AJAP1: variants seen among roughly 807,000 people sequenced by gnomAD.
The protein encoded by AJAP1 is adherens junction-associated protein 1.
AJAP1 carries 5 observed loss-of-function variants against 35.0 expected under a neutral mutation model. That is an observed-to-expected ratio of 0.14 (90% CI 0.07 to 0.30). AJAP1 has a LOEUF of 0.30. AJAP1 is among the 10% of genes least tolerant of loss of function. The pLI is 1.00. For missense variants in AJAP1, 586 were observed against 571.0 expected, an observed-to-expected ratio of 1.03 and a Z score of -0.27; for synonymous variants, 284 against 249.3, an observed-to-expected ratio of 1.14 and a Z score of -1.31.
intron 1 of AJAP1, among the ~76,000 whole-genome samples, chr1:4,679,852 T>G (rs201666340): frequency 9.6e-4 from 135 of 141,088 alleles, no homozygotes; most frequent in Middle Eastern, 3.6e-3. Flanking sequence ...TGTGTGTGTG[T>G]AGAGAGAGAT....
intron 1 of AJAP1, among the ~76,000 whole-genome samples, chr1:4,671,822 A>G (rs1639254939): frequency 6.6e-6 from 1 of 152,228 alleles, no homozygotes; most frequent in African/African-American, 2.4e-5. Flanking sequence ...TAATGGAAAC[A>G]AGGTGCTTCA....
chr1:4,778,077 C>T (rs1254500193), intron 5 of AJAP1, among the ~76,000 whole-genome samples: 1 of 152,176 alleles, frequency 6.6e-6, no homozygotes, highest in Admixed American at 6.5e-5. Context: ...TTTGCAAAAG[C>T]AGACAGTGGT....
chr1:4,776,956 T>G (rs888910066), intron 5 of AJAP1, among the ~76,000 whole-genome samples: 15 of 152,208 alleles, frequency 9.9e-5, no homozygotes, highest in Non-Finnish European at 1.9e-4. Context: ...CACGGCCCAC[T>G]CCTGGTGGCC....
At chr1:4,674,781 G>A (rs1414212018) in intron 1 of AJAP1, among the ~76,000 whole-genome samples, 1 of 152,260 alleles carries the variant, frequency 6.6e-6, no homozygotes, top group Non-Finnish European at 1.5e-5. Flanking sequence ...ATTCTGCTCT[G>A]CCTGCTTGTC....
At chr1:4,755,239 T>A (rs974500915) in intron 2 of AJAP1, among the ~76,000 whole-genome samples, 1 of 152,238 alleles carries the variant, frequency 6.6e-6, no homozygotes, top group Admixed American at 6.5e-5. Flanking sequence ...AGACAGCAGC[T>A]GTTACTGAAT....
intron 2 of AJAP1, among the ~76,000 whole-genome samples, chr1:4,751,259 C>A (rs1277666112): frequency 1.3e-5 from 2 of 152,166 alleles, no homozygotes; most frequent in Non-Finnish European, 2.9e-5. Flanking sequence ...TCGCTGGACA[C>A]CTTCGTCCAG....
At chr1:4,671,279 G>T (rs933637596) in intron 1 of AJAP1, among the ~76,000 whole-genome samples, 12 of 151,754 alleles carry the variant, frequency 7.9e-5, no homozygotes, top group Admixed American at 5.9e-4. Context: ...TGAGGCAGGA[G>T]AATTGTTTGG....
chr1:4,733,478 C>G (rs1200152954), intron 2 of AJAP1, among the ~76,000 whole-genome samples: 2 of 148,256 alleles, frequency 1.3e-5, no homozygotes, highest in Non-Finnish European at 3.0e-5. Flanking sequence ...GTGCCCAGGG[C>G]TGTGCTGGGA....
chr1:4,774,188 GC>G (rs1230534365), intron 4 of AJAP1, among the ~76,000 whole-genome samples: 2 of 152,228 alleles, frequency 1.3e-5, no homozygotes, highest in Non-Finnish European at 2.9e-5. Context: ...GTGCTCGTGT[GC>G]CCAGATCCCT....
At chr1:4,750,178 A>G (rs1641290579) in intron 2 of AJAP1, among the ~76,000 whole-genome samples, 1 of 151,136 alleles carries the variant, frequency 6.6e-6, no homozygotes. Context: ...GTTTGTGTGT[A>G]TGTGTGCATG....
chr1:4,759,001 C>T (rs1434864576), intron 2 of AJAP1, among the ~76,000 whole-genome samples: 2 of 152,208 alleles, frequency 1.3e-5, no homozygotes, highest in African/African-American at 4.8e-5. Flanking sequence ...GAGCTCAGGT[C>T]GGGATGCAGG....
intron 1 of AJAP1, among the ~76,000 whole-genome samples, chr1:4,671,054 C>A (rs1368336886): frequency 6.6e-6 from 1 of 152,160 alleles, no homozygotes; most frequent in Non-Finnish European, 1.5e-5. Flanking sequence ...TTGTAATAGG[C>A]GCATGTGTTG....
At chr1:4,678,743 CTG>C (rs2100525369) in intron 1 of AJAP1, among the ~76,000 whole-genome samples, 2 of 152,320 alleles carry the variant, frequency 1.3e-5, no homozygotes, top group Admixed American at 1.3e-4. Flanking sequence ...CCATCTAAGA[CTG>C]AACACCAGGA....
chr1:4,733,801 C>T (rs1363730618), intron 2 of AJAP1, among the ~76,000 whole-genome samples: 1 of 152,060 alleles, frequency 6.6e-6, no homozygotes, highest in Non-Finnish European at 1.5e-5. Context: ...TCCCAGAGAC[C>T]AGAGAAAATT....
chr1:4,694,283 TC>T (rs1639808892), intron 1 of AJAP1, among the ~76,000 whole-genome samples: 2 of 152,132 alleles, frequency 1.3e-5, no homozygotes, highest in Non-Finnish European at 2.9e-5. Context: ...ACAGTGGTGG[TC>T]TTGTAATTGA....
intron 1 of AJAP1, among the ~76,000 whole-genome samples, chr1:4,684,465 G>A (rs868615847): frequency 2.7e-4 from 41 of 152,278 alleles, no homozygotes; most frequent in Middle Eastern, 6.8e-3. Context: ...AAGGTCTAGG[G>A]CGGCCTTGTG....
chr1:4,724,099 T>C (rs1396436916), intron 2 of AJAP1, among the ~76,000 whole-genome samples: 1 of 152,210 alleles, frequency 6.6e-6, no homozygotes, highest in African/African-American at 2.4e-5. Context: ...TGCACCGACA[T>C]GGCCCCTGCC....
chr1:4,655,411 C>G lies in AJAP1; in HGVS notation c.-15C>G, dbSNP rs752255579. On this transcript the variant is annotated 5_prime_UTR_variant, in exon 1 of 6. Transcript: ENST00000378191. The surrounding 1 kb of genome is among the most constrained non-coding windows in gnomAD (Gnocchi z 6.9). ...GGCGAGCCAGGTCTGAGGCCCCGCT[C>G]CCCGAAACGTGACCATGTGGATTCA... The G allele has an allele frequency of 7.7e-6, 12 of 1,561,810 alleles. No homozygotes were observed. In the South Asian group the frequency reaches 9.2e-5, roughly 12 times the overall value.
chr1:4,709,477 G>A (rs1201712134), intron 1 of AJAP1, among the ~76,000 whole-genome samples: 6 of 152,186 alleles, frequency 3.9e-5, no homozygotes, highest in East Asian at 1.9e-4. Context: ...GCCTGGTGGA[G>A]CCTGAAGGGG....
Sources: allele counts gnomAD v4.1 joint callset (sites outside exome capture counted in the v4.1 genomes callset), GRCh38; gene constraint gnomAD v4.1.1; non-coding constraint Gnocchi (gnomAD v3.1); transcripts MANE v1.5; gene names NCBI Gene and HGNC (gene_info 2026-07-23, HGNC 2026-07-21).